Variants in CTNNA2 observed in about 807,000 individuals in gnomAD.
The protein encoded by CTNNA2 is catenin alpha 2.
CTNNA2 carries 42 observed loss-of-function variants against 101.0 expected under a neutral mutation model. The observed-to-expected ratio is 0.42, with a 90% CI of 0.32 to 0.54. The LOEUF (loss-of-function observed/expected upper bound fraction) is 0.54, where lower values mean the gene tolerates loss of function less well. Among genes scored for constraint, CTNNA2 ranks in the 20% least tolerant of loss-of-function variants. The pLI is 0.14. For missense variants in CTNNA2, 871 were observed against 1,223.1 expected, an observed-to-expected ratio of 0.71 and a Z score of 4.29; for synonymous variants, 450 against 456.4, an observed-to-expected ratio of 0.99 and a Z score of 0.18.
At chr2:79,944,188 G>A (rs140011840) in intron 7 of CTNNA2, among the ~76,000 whole-genome samples, 68 of 152,246 alleles carry the variant, frequency 4.5e-4, no homozygotes, top group African/African-American at 1.5e-3. Flanking sequence ...GGGGATGGGA[G>A]GGTGGGAACT....
chr2:80,402,346 C>T (rs966514701), intron 8 of CTNNA2, among the ~76,000 whole-genome samples: 3 of 152,116 alleles, frequency 2.0e-5, no homozygotes, highest in African/African-American at 7.2e-5. Context: ...TTGATTAAGT[C>T]ATTGGCCATT....
chr2:79,939,570 A>G (rs1439872060), intron 7 of CTNNA2, among the ~76,000 whole-genome samples: 2 of 151,910 alleles, frequency 1.3e-5, no homozygotes, highest in African/African-American at 4.8e-5. Context: ...TTTTATTTTT[A>G]TTTTAGTTGT....
chr2:80,318,076 G>A (rs929111159), intron 7 of CTNNA2, among the ~76,000 whole-genome samples: 5 of 151,944 alleles, frequency 3.3e-5, no homozygotes, highest in East Asian at 1.9e-4. Context: ...GTATGTCCAC[G>A]TATTCACCCA....
chr2:79,268,814 G>T (rs1675023065), intron 2 of CTNNA2, among the ~76,000 whole-genome samples: 1 of 152,106 alleles, frequency 6.6e-6, no homozygotes, highest in African/African-American at 2.4e-5. Context: ...CAACAGAGGA[G>T]AAACTGTTTT....
upstream of CTNNA2, among the ~76,000 whole-genome samples, chr2:79,511,044 G>C (rs1671525103): frequency 6.6e-6 from 1 of 152,188 alleles, no homozygotes; most frequent in Non-Finnish European, 1.5e-5. Context: ...TTGGCCTGTA[G>C]TTTTTAGTTT....
chr2:79,454,315 T>G (rs1369110633), intron 4 of CTNNA2, among the ~76,000 whole-genome samples: 1 of 152,206 alleles, frequency 6.6e-6, no homozygotes, highest in Non-Finnish European at 1.5e-5. Flanking sequence ...ATATATGTAA[T>G]TATTTGTCAA....
At chr2:79,845,027 C>T (rs1384301225) in intron 3 of CTNNA2, among the ~76,000 whole-genome samples, 1 of 119,902 alleles carries the variant, frequency 8.3e-6, no homozygotes, top group Non-Finnish European at 1.8e-5. Flanking sequence ...TCTGTATATA[C>T]ATTGTGTATA....
intron 7 of CTNNA2, among the ~76,000 whole-genome samples, chr2:80,122,740 A>AGT (rs1163420355): frequency 2.0e-5 from 3 of 152,072 alleles, no homozygotes; most frequent in Non-Finnish European, 4.4e-5. Context: ...CCTATGCAAA[A>AGT]GTGTGTGTGT....
intron 2 of CTNNA2, among the ~76,000 whole-genome samples, chr2:79,215,119 AGC>A (rs1674233456): frequency 6.6e-6 from 1 of 152,132 alleles, no homozygotes; most frequent in Non-Finnish European, 1.5e-5. Flanking sequence ...AGTCAGTCAG[AGC>A]GCCTTGGGCC....
chr2:80,549,269 G>A (rs1335356210), intron 11 of CTNNA2, among the ~76,000 whole-genome samples: 1 of 152,154 alleles, frequency 6.6e-6, no homozygotes, highest in African/African-American at 2.4e-5. Flanking sequence ...GTAGTAGGAA[G>A]CTAAGATCTG....
Position 80,604,199 on chromosome 2 carries a change from T to C in CTNNA2, c.2295+20T>C. On this transcript the variant is annotated intron_variant, in intron 16 of 18. Transcript: ENST00000402739. ...GATCAGGTAATAGAAGAGGGAAGGG[T>C]GGGCACATGCTGAGTGGAGTCACTA... 5 of 1,593,718 alleles carry C rather than the reference T, an allele frequency of 3.1e-6. No individual in the cohort carries two copies. Among genetic ancestry groups the C allele is most frequent in the Non-Finnish European group, 4.3e-6 (5 of 1,163,352 alleles).
chr2:79,864,001 G>T (rs1681835213), intron 4 of CTNNA2, among the ~76,000 whole-genome samples: 1 of 152,166 alleles, frequency 6.6e-6, no homozygotes, highest in South Asian at 2.1e-4. Flanking sequence ...CCTGTTGAAG[G>T]AGCACACCAG....
intron 4 of CTNNA2, 103 bp downstream of exon 4, chr2:79,858,282 G>A: frequency 2.3e-6 from 2 of 886,898 alleles, no homozygotes; most frequent in Non-Finnish European, 3.4e-6. Context: ...TTGCTCACCA[G>A]ATCAGTTCAT....
chr2:79,210,116 T>G (rs942589517), intron 2 of CTNNA2, among the ~76,000 whole-genome samples: 16 of 71,944 alleles, frequency 2.2e-4, no homozygotes, highest in African/African-American at 1.4e-3. Context: ...GTGTGTGTGT[T>G]TAAGCAGAAG....
intron 7 of CTNNA2, among the ~76,000 whole-genome samples, chr2:80,148,027 A>C (rs984800433): frequency 6.6e-6 from 1 of 152,200 alleles, no homozygotes; most frequent in African/African-American, 2.4e-5. Flanking sequence ...TAACTTTTTA[A>C]TGTCATTTTT....
In CTNNA2 at chr2:80,226,811, A is replaced by T. The variant is rs78258015; in HGVS notation, c.1057-166400A>T. 5.8e-3 allele frequency among the ~76,000 whole-genome samples: 888 copies of T among 152,132 alleles called. 7 individuals carry two copies. The highest frequency in any genetic ancestry group is 6.6e-3 in the Non-Finnish European group (452 of 67,978). On this transcript the variant is annotated intron_variant, in intron 7 of 18. Transcript: ENST00000402739. Reference sequence around the variant, plus strand: ...ACATAGAAACATCTCCCTCTTTCTCATATCCCATCTCACACCTCTCCTTGG... The same window carrying T: ...ACATAGAAACATCTCCCTCTTTCTCTTATCCCATCTCACACCTCTCCTTGG...
chr2:80,596,282 T>G (rs868287369), intron 15 of CTNNA2, among the ~76,000 whole-genome samples: 11 of 23,118 alleles, frequency 4.8e-4, no homozygotes, highest in South Asian at 4.0e-3. Flanking sequence ...CAAGGTTGTT[T>G]TTTTTTTTTT....
chr2:79,921,105 G>A (rs538362009), intron 7 of CTNNA2, among the ~76,000 whole-genome samples: 19 of 152,296 alleles, frequency 1.2e-4, no homozygotes, highest in African/African-American at 4.3e-4. Flanking sequence ...TAAGCTTTTT[G>A]AAAGTAGGTA....
chr2:80,583,694 C>T lies in CTNNA2; in HGVS notation c.2007+1875C>T, dbSNP rs113570906. Reference sequence around the variant, plus strand: ...ATCTTGTCAAAATGGCATGAACAGTCCCACTTTTACAAGGAAGAATAGAGT... The same window carrying T: ...ATCTTGTCAAAATGGCATGAACAGTTCCACTTTTACAAGGAAGAATAGAGT... On this transcript the variant is annotated intron_variant, in intron 14 of 18. Transcript: ENST00000402739. Among the ~76,000 whole-genome samples, 284 of 152,210 alleles carry T rather than the reference C, an allele frequency of 1.9e-3. 1 individual carries two copies. Among genetic ancestry groups the T allele is most frequent in the African/African-American group, 6.6e-3 (276 of 41,548 alleles).
Sources: allele counts gnomAD v4.1 joint callset (sites outside exome capture counted in the v4.1 genomes callset), GRCh38; gene constraint gnomAD v4.1.1; transcripts MANE v1.5; gene names NCBI Gene and HGNC (gene_info 2026-07-23, HGNC 2026-07-21).